Variants in HPSE2 observed in about 807,000 individuals in gnomAD.
HPSE2 encodes heparanase 2 (inactive).
Under a neutral mutation model 60.5 loss-of-function variants are expected in HPSE2, and 38 were observed. The ratio of observed to expected loss-of-function variants is 0.63; its 90% CI spans 0.48 to 0.82. The LOEUF (loss-of-function observed/expected upper bound fraction) is 0.82, where lower values mean the gene tolerates loss of function less well. HPSE2 is among the 40% of genes least tolerant of loss of function. The probability of loss-of-function intolerance (pLI) is 0.00; values close to 1 mark genes in which losing one functional copy is unlikely to be tolerated. For synonymous variants in HPSE2, 295 were observed against 293.2 expected, an observed-to-expected ratio of 1.01 and a Z score of -0.06; for missense variants, 713 against 740.4, an observed-to-expected ratio of 0.96 and a Z score of 0.43.
At position 98,930,189 on chromosome 10, in the gene HPSE2, T is replaced by C. The variant is rs568504839; in HGVS notation, c.611-186133A>G. 4.2e-5 allele frequency among the ~76,000 whole-genome samples: 6 copies of C among 143,820 alleles called. 1 individual carries two copies. In the South Asian group the frequency reaches 6.3e-4, roughly 15 times the overall value. 94.4% of individuals were successfully genotyped at this position (143,820 alleles called of 152,430 possible). A position where few individuals can be genotyped will look rare whatever the true frequency, so the allele number is the denominator to read the frequency against. On this transcript the variant is annotated intron_variant, in intron 3 of 11. Transcript: ENST00000370552. Reference sequence around the variant, plus strand: ...AGTGTTGTTCCCCTCCCTGTGTCCATGTGTTCTCATTGTTCAGTTCCCACT... The same window carrying C: ...AGTGTTGTTCCCCTCCCTGTGTCCACGTGTTCTCATTGTTCAGTTCCCACT...
chr10:98,588,540 T>A (rs1399606071), intron 9 of HPSE2, among the ~76,000 whole-genome samples: 1 of 152,144 alleles, frequency 6.6e-6, no homozygotes, highest in South Asian at 2.1e-4. Context: ...CAAGTTCCTA[T>A]GTGCTCTGTG....
chr10:98,552,825 C>T (rs1943900852), intron 9 of HPSE2, among the ~76,000 whole-genome samples: 1 of 151,988 alleles, frequency 6.6e-6, no homozygotes, highest in Non-Finnish European at 1.5e-5. Context: ...TTCTTTGAAC[C>T]TCAAAGACAT....
chr10:98,989,061 G>A (rs1456961746), intron 3 of HPSE2, among the ~76,000 whole-genome samples: 4 of 151,734 alleles, frequency 2.6e-5, no homozygotes, highest in Non-Finnish European at 5.9e-5. Flanking sequence ...CTGTCAACTA[G>A]TTCAACCATT....
chr10:98,616,459 G>A (rs1297665971), intron 8 of HPSE2, among the ~76,000 whole-genome samples: 3 of 152,122 alleles, frequency 2.0e-5, no homozygotes, highest in Non-Finnish European at 4.4e-5. Context: ...ATTACGCATA[G>A]TTATGATTTC....
At chr10:99,251,282 A>G in the HPSE2 span, among the ~76,000 whole-genome samples, 1 of 152,224 alleles carries the variant, frequency 6.6e-6, no homozygotes, top group Admixed American at 6.5e-5. Flanking sequence ...ATCTCTCAAA[A>G]TTGAATCAGC....
At chr10:98,986,975 A>G (rs531444246) in intron 3 of HPSE2, among the ~76,000 whole-genome samples, 2 of 152,166 alleles carry the variant, frequency 1.3e-5, no homozygotes. Flanking sequence ...GACCAATAGC[A>G]GGCTCCGAAA....
intron 5 of HPSE2, among the ~76,000 whole-genome samples, chr10:98,703,504 C>G (rs191083189): frequency 1.3e-5 from 2 of 151,134 alleles, no homozygotes; most frequent in Non-Finnish European, 3.0e-5. Flanking sequence ...AGGCCAATAT[C>G]GAAGCAAAAA....
At chr10:98,959,303 A>G (rs1251676492) in intron 3 of HPSE2, among the ~76,000 whole-genome samples, 2 of 149,510 alleles carry the variant, frequency 1.3e-5, no homozygotes, top group East Asian at 4.0e-4. Context: ...ATAATTTCAC[A>G]TTCCCCACAG....
intron 2 of HPSE2, among the ~76,000 whole-genome samples, chr10:99,170,113 C>T (rs1283400147): frequency 6.6e-6 from 1 of 152,066 alleles, no homozygotes; most frequent in African/African-American, 2.4e-5. Flanking sequence ...AGTAGAATAT[C>T]CTTTCACAGA....
At chr10:99,239,428 T>G (rs1269352004), upstream of HPSE2, among the ~76,000 whole-genome samples, 4 of 130,274 alleles carry the variant, frequency 3.1e-5, no homozygotes, top group Non-Finnish European at 5.0e-5. Flanking sequence ...GTTTTTTTTT[T>G]TTTTTTTTTT....
chr10:98,795,820 A>G (rs1950767406), intron 3 of HPSE2, among the ~76,000 whole-genome samples: 1 of 152,082 alleles, frequency 6.6e-6, no homozygotes, highest in African/African-American at 2.4e-5. Context: ...CTTTGTCTGT[A>G]TCTTGGATAC....
chr10:98,523,862 TCTC>T (rs1200966684), intron 9 of HPSE2, among the ~76,000 whole-genome samples: 1 of 152,140 alleles, frequency 6.6e-6, no homozygotes, highest in Non-Finnish European at 1.5e-5. Context: ...ATTGGCAGAG[TCTC>T]CTCCTATCTT....
rs773450855 is a variant in HPSE2 at position 98,550,450 on chromosome 10, C to T, written c.1321-60254G>A. ...CTGGGACTACAGGTGCAGGCCACCA[C>T]ACCTGGCTAATTCTTTCTTAAATTT... On this transcript the variant is annotated intron_variant, in intron 9 of 11. Coordinates refer to ENST00000370552, the MANE Select transcript of HPSE2 (RefSeq NM_021828.5). Among the ~76,000 whole-genome samples, 95 of 150,812 alleles carry T rather than the reference C, an allele frequency of 6.3e-4. 1 individual carries two copies. Among genetic ancestry groups the T allele is most frequent in the Non-Finnish European group, 2.5e-4 (17 of 67,956 alleles).
chr10:99,137,559 G>A (rs1160400696), intron 3 of HPSE2, among the ~76,000 whole-genome samples: 2 of 152,056 alleles, frequency 1.3e-5, no homozygotes, highest in Non-Finnish European at 2.9e-5. Flanking sequence ...TAGACCAATG[G>A]AAAAGAACAG....
intron 3 of HPSE2, among the ~76,000 whole-genome samples, chr10:99,049,141 A>C (rs1379022479): frequency 6.6e-6 from 1 of 152,192 alleles, no homozygotes; most frequent in Non-Finnish European, 1.5e-5. Flanking sequence ...TATGTGTACT[A>C]CCTGGATGCA....
At chr10:98,997,123 T>TC (rs1340351390) in intron 3 of HPSE2, among the ~76,000 whole-genome samples, 3 of 147,400 alleles carry the variant, frequency 2.0e-5, no homozygotes, top group African/African-American at 7.5e-5. Context: ...TTTTTTTTTT[T>TC]TTTTTTTGAG....
chr10:99,057,837 C>T (rs1338923519), intron 3 of HPSE2, among the ~76,000 whole-genome samples: 1 of 152,182 alleles, frequency 6.6e-6, no homozygotes, highest in Non-Finnish European at 1.5e-5. Context: ...TCCCGCCCCT[C>T]TTCCTGTTTC....
At chr10:99,009,221 T>A (rs1228258802) in intron 3 of HPSE2, among the ~76,000 whole-genome samples, 1 of 77,546 alleles carries the variant, frequency 1.3e-5, no homozygotes, top group East Asian at 4.4e-4. Context: ...CTGGGCAACA[T>A]AACAAGGCCC....
At chr10:99,267,348 C>A in the HPSE2 span, among the ~76,000 whole-genome samples, 3 of 152,068 alleles carry the variant, frequency 2.0e-5, no homozygotes, top group Admixed American at 2.0e-4. Context: ...ACTGGAAAGT[C>A]TCAGCAATAG....
Sources: allele counts gnomAD v4.1 joint callset (sites outside exome capture counted in the v4.1 genomes callset), GRCh38; gene constraint gnomAD v4.1.1; transcripts MANE v1.5; gene names NCBI Gene and HGNC (gene_info 2026-07-23, HGNC 2026-07-21).